NPSR1: variants seen among roughly 807,000 people sequenced by gnomAD.
NPSR1 encodes neuropeptide S receptor 1.
In NPSR1, 48 loss-of-function variants were observed where a neutral mutation model predicts 46.9. The observed-to-expected ratio is 1.02, with a 90% CI of 0.81 to 1.30. The LOEUF is 1.30. Ranked by LOEUF, NPSR1 falls within the 50% of genes most tolerant of loss-of-function variation. The pLI is 0.00. For missense variants in NPSR1, 450 were observed against 449.5 expected, an observed-to-expected ratio of 1.00 and a Z score of -0.01; for synonymous variants, 176 against 168.1, an observed-to-expected ratio of 1.05 and a Z score of -0.36.
intron 3 of NPSR1, among the ~76,000 whole-genome samples, chr7:34,791,193 T>C (rs1787851318): frequency 8.7e-6 from 1 of 114,868 alleles, no homozygotes; most frequent in African/African-American, 3.2e-5. Context: ...ATATGTTATA[T>C]GTTATATATT....
At chr7:34,877,610 C>T (rs1020329582) in intron 8 of NPSR1, among the ~76,000 whole-genome samples, 13 of 152,180 alleles carry the variant, frequency 8.5e-5, no homozygotes, top group African/African-American at 2.9e-4. Flanking sequence ...TCCAGGGAGA[C>T]CAGAGGCAGA....
intron 1 of NPSR1, among the ~76,000 whole-genome samples, chr7:34,664,580 A>T (rs1036129944): frequency 6.6e-6 from 1 of 151,784 alleles, no homozygotes; most frequent in Non-Finnish European, 1.5e-5. Context: ...GTCCTCAAAC[A>T]ATGGTCATGA....
intron 8 of NPSR1, among the ~76,000 whole-genome samples, chr7:34,870,448 C>A (rs1483399936): frequency 6.6e-6 from 1 of 151,664 alleles, no homozygotes; most frequent in Non-Finnish European, 1.5e-5. Flanking sequence ...GTTGAATGAG[C>A]CCAAATTGTG....
intron 2 of NPSR1, among the ~76,000 whole-genome samples, chr7:34,776,135 C>T (rs1277124919): frequency 1.3e-5 from 2 of 151,982 alleles, no homozygotes; most frequent in Non-Finnish European, 2.9e-5. Flanking sequence ...TGTTTTCAGG[C>T]TTTTTAGTGA....
intron 2 of NPSR1, among the ~76,000 whole-genome samples, chr7:34,773,482 C>A (rs1423813808): frequency 2.0e-5 from 3 of 152,138 alleles, no homozygotes; most frequent in Non-Finnish European, 4.4e-5. Flanking sequence ...TTGACTATGA[C>A]TCAGAGATCA....
chr7:34,691,493 T>C (rs2128689816), intron 2 of NPSR1, among the ~76,000 whole-genome samples: 2 of 152,108 alleles, frequency 1.3e-5, no homozygotes, highest in East Asian at 3.9e-4. Flanking sequence ...AAGACAGCTA[T>C]AGACTCAAAG....
Position 34,783,957 on chromosome 7 carries a change from A to C in NPSR1, c.384+5392A>C, listed in dbSNP as rs564498964. ...GAGAGAAAGATTTCCCCAGACAAAC[A>C]AAAGCTGAAAGAGTTCATCACCACC... On this transcript the variant is annotated intron_variant, in intron 3 of 8. Transcript: ENST00000360581. Among the ~76,000 whole-genome samples, 10 of 152,302 alleles carry C rather than the reference A, an allele frequency of 6.6e-5. No homozygotes were observed. The South Asian group carries it at 2.1e-3, about 32-fold the overall frequency.
At chr7:34,739,181 G>A (rs1019594285) in intron 2 of NPSR1, among the ~76,000 whole-genome samples, 2 of 152,176 alleles carry the variant, frequency 1.3e-5, no homozygotes, top group African/African-American at 4.8e-5. Context: ...TGGCTATTGG[G>A]AATGATGCTG....
intron 2 of NPSR1, among the ~76,000 whole-genome samples, chr7:34,726,097 T>C (rs1014169398): frequency 2.0e-5 from 3 of 152,162 alleles, no homozygotes; most frequent in African/African-American, 7.2e-5. Flanking sequence ...ACGTCTTTAT[T>C]AGCAGCATGA....
At chr7:34,731,329 T>G (rs1784408220) in intron 2 of NPSR1, among the ~76,000 whole-genome samples, 1 of 152,126 alleles carries the variant, frequency 6.6e-6, no homozygotes, top group African/African-American at 2.4e-5. Context: ...TAAACCTGTT[T>G]TAAATGTTTA....
chr7:34,667,475 A>G (rs1272890378), intron 1 of NPSR1, among the ~76,000 whole-genome samples: 2 of 152,090 alleles, frequency 1.3e-5, no homozygotes, highest in Non-Finnish European at 1.5e-5. Flanking sequence ...TAGACTCTCC[A>G]TTCATCCAGC....
chr7:34,835,094 G>T (rs1199962169), intron 6 of NPSR1, among the ~76,000 whole-genome samples: 1 of 152,194 alleles, frequency 6.6e-6, no homozygotes, highest in Non-Finnish European at 1.5e-5. Context: ...AACATTACTG[G>T]ACCTGACCAA....
intron 3 of NPSR1, among the ~76,000 whole-genome samples, chr7:34,810,153 A>G (rs1458129140): frequency 2.6e-5 from 4 of 152,246 alleles, no homozygotes; most frequent in African/African-American, 9.6e-5. Context: ...GAACAAAGAT[A>G]ACTGCCAAGA....
chr7:34,872,832 A>C (rs1406958174), intron 8 of NPSR1, among the ~76,000 whole-genome samples: 1 of 151,892 alleles, frequency 6.6e-6, no homozygotes, highest in Non-Finnish European at 1.5e-5. Flanking sequence ...TGGGAATTCA[A>C]GATGAGATTT....
At chr7:34,796,918 C>T (rs1307784322) in intron 3 of NPSR1, among the ~76,000 whole-genome samples, 1 of 152,156 alleles carries the variant, frequency 6.6e-6, no homozygotes, top group Non-Finnish European at 1.5e-5. Flanking sequence ...AACTTGGAAG[C>T]AACCAAGATG....
chr7:34,853,750 C>T (rs148913983), downstream of NPSR1, among the ~76,000 whole-genome samples: 83 of 152,116 alleles, frequency 5.5e-4, 1 homozygote, highest in East Asian at 0.015. Flanking sequence ...CACCTGAGTT[C>T]GAACAGGAGT....
At chr7:34,876,647 G>A (rs1354406696) in intron 8 of NPSR1, among the ~76,000 whole-genome samples, 1 of 152,036 alleles carries the variant, frequency 6.6e-6, no homozygotes, top group Non-Finnish European at 1.5e-5. Flanking sequence ...ATTTAAGTGG[G>A]GACTTCAAAA....
chr7:34,791,123 ATATATGTTATATATTATATATAATATGT>A lies in NPSR1; in HGVS notation c.384+12564_384+12591del, dbSNP rs1290411400. 6.0e-4 allele frequency among the ~76,000 whole-genome samples: 54 copies of A among 90,206 alleles called. 1 individual carries two copies. Among genetic ancestry groups the A allele is most frequent in the Admixed American group, 2.3e-3 (14 of 6,104 alleles). The allele number at this position is 90,206 out of a possible 152,430, so 59.2% of individuals were successfully genotyped here. On this transcript the variant is annotated intron_variant, in intron 3 of 8. Coordinates refer to ENST00000360581, the MANE Select transcript of NPSR1 (RefSeq NM_207172.2). ...TATATAATATGTTATATAATATAAT[ATATATGTTATATATTATATATAATATGT>A]TATATATTATATATGTTATATATTA...
At chr7:34,731,387 C>T (rs891168737) in intron 2 of NPSR1, among the ~76,000 whole-genome samples, 1 of 151,972 alleles carries the variant, frequency 6.6e-6, no homozygotes, top group Non-Finnish European at 1.5e-5. Flanking sequence ...CAATGAGTTA[C>T]CAAATTTTCC....
Sources: allele counts gnomAD v4.1 joint callset (sites outside exome capture counted in the v4.1 genomes callset), GRCh38; gene constraint gnomAD v4.1.1; transcripts MANE v1.5; gene names NCBI Gene and HGNC (gene_info 2026-07-23, HGNC 2026-07-21).